PAX5: variants seen among roughly 807,000 people sequenced by gnomAD.
The protein encoded by PAX5 is paired box 5, also known as paired box protein Pax-5.
PAX5 carries 9 observed loss-of-function variants against 43.7 expected under a neutral mutation model. The ratio of observed to expected loss-of-function variants is 0.21; its 90% CI spans 0.12 to 0.36. The LOEUF (loss-of-function observed/expected upper bound fraction) is 0.36, where lower values mean the gene tolerates loss of function less well. Ranked by LOEUF, PAX5 falls within the 10% of genes least tolerant of loss-of-function variation. The pLI, the probability that PAX5 is intolerant of heterozygous loss-of-function variation, is 1.00. For missense variants in PAX5, 383 were observed against 532.7 expected (o/e 0.72, Z 2.77); for synonymous variants, 228 against 214.3 (o/e 1.06, Z -0.56).
intron 6 of PAX5, among the ~76,000 whole-genome samples, chr9:36,956,999 A>C (rs28461757): frequency 4.4e-5 from 6 of 136,664 alleles, no homozygotes; most frequent in African/African-American, 1.6e-4. Context: ...GCTGGGGACA[A>C]CTGGGATGAG....
At chr9:36,910,576 G>C (rs1277463744) in intron 7 of PAX5, among the ~76,000 whole-genome samples, 2 of 152,192 alleles carry the variant, frequency 1.3e-5, no homozygotes, top group African/African-American at 4.8e-5. Context: ...CACACGCCAG[G>C]CTAAGGGGTG....
At chr9:36,860,425 G>C (rs543179935) in intron 8 of PAX5, among the ~76,000 whole-genome samples, 3 of 152,108 alleles carry the variant, frequency 2.0e-5, no homozygotes, top group Admixed American at 1.3e-4. Context: ...CGGAGTAAGC[G>C]GGGGGAGGCA....
intron 1 of PAX5, among the ~76,000 whole-genome samples, chr9:37,032,895 C>T (rs1248796339): frequency 1.3e-5 from 2 of 152,250 alleles, no homozygotes; most frequent in Non-Finnish European, 2.9e-5. Flanking sequence ...GGCCTGTGCG[C>T]ATACAGGCCC....
rs61978582 is a variant in PAX5 at position 37,030,132 on chromosome 9, G to A, written c.46+3854C>T. Among the ~76,000 whole-genome samples the A allele has an allele frequency of 6.8e-3, 1,037 of 152,310 alleles. 3 individuals are homozygous for A. Among genetic ancestry groups the A allele is most frequent in the Middle Eastern group, 0.01 (3 of 294 alleles). ...ACAGTAGGTGTTCGGCTTCGGGACA[G>A]TGTTCTGCTGCGTGGCACACACAGG... On this transcript the variant is annotated intron_variant, in intron 1 of 9. Transcript: ENST00000358127.
intron 6 of PAX5, among the ~76,000 whole-genome samples, chr9:36,933,424 T>C (rs1751155295): frequency 6.6e-6 from 1 of 152,194 alleles, no homozygotes; most frequent in South Asian, 2.1e-4. Context: ...TCCTCTTGCC[T>C]GCCTAGCACT....
At chr9:36,842,363 C>T (rs1822140932) in intron 9 of PAX5, among the ~76,000 whole-genome samples, 1 of 152,234 alleles carries the variant, frequency 6.6e-6, no homozygotes, top group South Asian at 2.1e-4. Flanking sequence ...CAGGGTCTGC[C>T]CTACACACGG....
chr9:36,963,432 G>A (rs1834138321), intron 6 of PAX5, among the ~76,000 whole-genome samples: 1 of 152,040 alleles, frequency 6.6e-6, no homozygotes, highest in Non-Finnish European at 1.5e-5. Context: ...CCCAACCCAG[G>A]TAACATCCCC....
chr9:37,008,825 C>T (rs1838690564), intron 3 of PAX5, among the ~76,000 whole-genome samples: 1 of 152,298 alleles, frequency 6.6e-6, no homozygotes, highest in South Asian at 2.1e-4. Context: ...AACCAGAAAA[C>T]TCATGGCATT....
intron 9 of PAX5, among the ~76,000 whole-genome samples, chr9:36,842,687 C>A (rs16933640): frequency 6.6e-6 from 1 of 152,136 alleles, no homozygotes; most frequent in African/African-American, 2.4e-5. Context: ...CAGTCATTCC[C>A]GGTTCTGCTT....
At chr9:36,952,239 T>TTTTC (rs1833069910) in intron 6 of PAX5, among the ~76,000 whole-genome samples, 1 of 133,964 alleles carries the variant, frequency 7.5e-6, no homozygotes, top group African/African-American at 2.8e-5. Context: ...TCTCCCTTTT[T>TTTTC]TTTTTTTTTT....
chr9:36,958,856 C>T (rs558573796), intron 6 of PAX5, among the ~76,000 whole-genome samples: 1 of 152,352 alleles, frequency 6.6e-6, no homozygotes, highest in South Asian at 2.1e-4. Context: ...ACTCCTCCCC[C>T]ATGGGACCTG....
At position 37,034,078 on chromosome 9, in the gene PAX5, T is replaced by G. The variant is rs771346579; in HGVS notation, c.-47A>C. 3 of 1,064,238 alleles carry G rather than the reference T, an allele frequency of 2.8e-6. No individual in the cohort carries two copies. The Admixed American group carries it at 6.8e-5, about 24-fold the overall frequency. The allele number at this position is 1,064,238 out of a possible 1,614,324, so 65.9% of individuals were successfully genotyped here. A position where few individuals can be genotyped will look rare whatever the true frequency, so the allele number is the denominator to read the frequency against. On this transcript the variant is annotated 5_prime_UTR_variant, in exon 1 of 10. Transcript: ENST00000358127. ...GGAATGGACAGGGAAAAGTTTCCAC[T>G]TTTTTGTGCCTTTTTTTTTCTTTTT... is the stretch of plus-strand genomic sequence containing the variant.
intron 5 of PAX5, among the ~76,000 whole-genome samples, chr9:36,996,580 T>C (rs1358688810): frequency 6.6e-6 from 1 of 152,206 alleles, no homozygotes; most frequent in African/African-American, 2.4e-5. Context: ...CTCTCCCCAC[T>C]TCCTGCTTCT....
chr9:36,915,508 G>C (rs1047226879), intron 7 of PAX5, among the ~76,000 whole-genome samples: 1 of 152,138 alleles, frequency 6.6e-6, no homozygotes, highest in African/African-American at 2.4e-5. Context: ...AAGATGTTCA[G>C]GTTGAATGAA....
chr9:36,927,870 A>T (rs1464289269), intron 6 of PAX5, among the ~76,000 whole-genome samples: 2 of 151,912 alleles, frequency 1.3e-5, no homozygotes, highest in African/African-American at 4.8e-5. Flanking sequence ...CACCACACCC[A>T]GTTAATTTTT....
chr9:36,846,813 G>C (rs2131590613), intron 9 of PAX5, 30 bp downstream of exon 9: 1 of 1,552,780 alleles, frequency 6.4e-7, no homozygotes, highest in Non-Finnish European at 8.9e-7. Flanking sequence ...GATGGCCCAA[G>C]GGCCCCGCAG....
chr9:36,907,720 T>G (rs1828938924), intron 7 of PAX5, among the ~76,000 whole-genome samples: 1 of 152,046 alleles, frequency 6.6e-6, no homozygotes, highest in Non-Finnish European at 1.5e-5. Context: ...ATGCAGAGAG[T>G]TTGAACCCAT....
chr9:36,965,588 G>T (rs985190229), intron 6 of PAX5, among the ~76,000 whole-genome samples: 4 of 152,198 alleles, frequency 2.6e-5, no homozygotes, highest in African/African-American at 9.7e-5. Context: ...GTGCAGGGAG[G>T]CTACACTGCT....
At position 36,835,218 on chromosome 9, in the gene PAX5, G is replaced by C; in HGVS notation, c.*5342C>G. Reference sequence around the variant, plus strand: ...ACCCATCTTGGAGATGAGCTAAAGGGGACCCCTTGGATTGAAACTCTAGAA... The same window carrying C: ...ACCCATCTTGGAGATGAGCTAAAGGCGACCCCTTGGATTGAAACTCTAGAA... On this transcript the variant is annotated 3_prime_UTR_variant, in exon 10 of 10. Transcript: ENST00000358127. The C allele has an allele frequency of 4.3e-6, 1 of 233,278 alleles. No individual in the cohort carries two copies. The highest frequency in any genetic ancestry group is 8.5e-6 in the Non-Finnish European group (1 of 118,036). The allele number at this position is 233,278 out of a possible 1,614,324, so 14.5% of individuals were successfully genotyped here. A position where few individuals can be genotyped will look rare whatever the true frequency, so the allele number is the denominator to read the frequency against.
Sources: gnomAD v4.1 joint callset for allele counts (sites outside exome capture counted in the v4.1 genomes callset) on GRCh38, gnomAD v4.1.1 for gene constraint, MANE v1.5 for transcripts, NCBI Gene and HGNC (gene_info 2026-07-23, HGNC 2026-07-21) for gene names.